Variants in DERA observed in about 807,000 individuals in gnomAD.
DERA encodes 2-deoxy-D-ribose 5-phosphate aldolase.
A neutral mutation model predicts 41.1 loss-of-function variants in DERA; 15 were observed. That is an observed-to-expected ratio of 0.37 (90% confidence interval 0.24 to 0.56). The LOEUF (loss-of-function observed/expected upper bound fraction) is 0.56, where lower values mean the gene tolerates loss of function less well. DERA is among the 20% of genes least tolerant of loss of function. The pLI is 0.81. For missense variants in DERA, 396 were observed against 403.4 expected (o/e 0.98, Z 0.16); for synonymous variants, 139 against 137.4 (o/e 1.01, Z -0.08).
chr12:15,947,529 C>T (rs571425496), intron 1 of DERA, among the ~76,000 whole-genome samples: 3 of 152,238 alleles, frequency 2.0e-5, no homozygotes, highest in African/African-American at 7.2e-5. Context: ...AGGATTGCAA[C>T]CCCTGCCTTT....
Position 15,959,634 on chromosome 12 carries a change from A to C in DERA, c.278-195A>C, listed in dbSNP as rs1345789536. Among the ~76,000 whole-genome samples, 1 of 152,262 alleles carries C rather than the reference A, an allele frequency of 6.6e-6. No individual in the cohort carries two copies. Among genetic ancestry groups the C allele is most frequent in the African/African-American group, 2.4e-5 (1 of 41,474 alleles). ...ACTTGTTTTTATGACTTTAACGATAAGAAAATAATCCATATTGTCAAGAAC... is the reference window on the plus strand; with the variant it reads ...ACTTGTTTTTATGACTTTAACGATACGAAAATAATCCATATTGTCAAGAAC... On this transcript the variant is annotated intron_variant, in intron 3 of 8. Transcript: ENST00000428559. This position sits in a 1 kb window ranked among gnomAD's most constrained non-coding sequence, Gnocchi z 4.5.
Position 15,999,565 on chromosome 12 carries a change from C to G in DERA, c.637+17129C>G, listed in dbSNP as rs565640043. Among the ~76,000 whole-genome samples, 2 of 152,170 alleles carry G rather than the reference C, an allele frequency of 1.3e-5. No homozygotes were observed. The highest frequency in any genetic ancestry group is 3.9e-4 in the East Asian group (2 of 5,180). On this transcript the variant is annotated intron_variant, in intron 6 of 8. Coordinates refer to ENST00000428559, the MANE Select transcript of DERA (RefSeq NM_015954.4). This position sits in a 1 kb window ranked among gnomAD's most constrained non-coding sequence, Gnocchi z 5.3. ...CATTTTGGGCTGAGAGTCACTGGCT[C>G]TCATAGAGAGATGTGAAAGAACATG...
chr12:15,925,160 G>A lies in DERA; in HGVS notation c.31+13746G>A, dbSNP rs78156913. On this transcript the variant is annotated intron_variant, in intron 1 of 8. Coordinates refer to ENST00000428559, the MANE Select transcript of DERA (RefSeq NM_015954.4). ...CCCACCCCCGAGCCCCAACCCCTTTGCTGTTGTCAGGCTGTCTTGGTCTTT... is the reference window on the plus strand; with the variant it reads ...CCCACCCCCGAGCCCCAACCCCTTTACTGTTGTCAGGCTGTCTTGGTCTTT... Among the ~76,000 whole-genome samples the A allele has an allele frequency of 7.2e-3, 1,040 of 143,618 alleles. 14 individuals carry two copies. Among genetic ancestry groups the A allele is most frequent in the African/African-American group, 0.025 (994 of 39,222 alleles). 94.2% of individuals were successfully genotyped at this position (143,618 alleles called of 152,430 possible).
Position 16,036,129 on chromosome 12 carries a change from A to C in DERA, c.751-103A>C. The C allele has an allele frequency of 8.8e-7, 1 of 1,141,668 alleles. No individual in the cohort carries two copies. The highest frequency in any genetic ancestry group is 3.1e-5 in the East Asian group (1 of 32,434). 70.7% of individuals were successfully genotyped at this position (1,141,668 alleles called of 1,614,324 possible). On this transcript the variant is annotated intron_variant, in intron 7 of 8. Coordinates refer to ENST00000428559, the MANE Select transcript of DERA (RefSeq NM_015954.4). The surrounding 1 kb of genome is among the most constrained non-coding windows in gnomAD (Gnocchi z 4.9). The stretch of plus-strand genomic sequence containing the variant: ...TGAAGTGAAAAGATTTTTTTTCAAC[A>C]AAAGAGGGAGAGAGAGAATCAAGAC...
At chr12:15,960,770 G>A (rs970236336) in intron 4 of DERA, among the ~76,000 whole-genome samples, 1 of 151,840 alleles carries the variant, frequency 6.6e-6, no homozygotes, top group Non-Finnish European at 1.5e-5. Flanking sequence ...GGAGATAATT[G>A]CATTGGATCT....
chr12:15,946,579 CT>C (rs879658602), intron 1 of DERA, among the ~76,000 whole-genome samples: 138 of 146,948 alleles, frequency 9.4e-4, no homozygotes, highest in South Asian at 2.6e-3. Flanking sequence ...GTGATATCCC[CT>C]TTTTTTTTTA....
rs539543009 is a variant in DERA at position 15,967,008 on chromosome 12, A to G, written c.508+4061A>G. On this transcript the variant is annotated intron_variant, in intron 5 of 8. Coordinates refer to ENST00000428559, the MANE Select transcript of DERA (RefSeq NM_015954.4). This position sits in a 1 kb window ranked among gnomAD's most constrained non-coding sequence, Gnocchi z 4.9. Reference sequence around the variant, plus strand: ...TCATTTACATATAAGTAGACATTCAAATATCACTGACCCTTGACAAAATCA... The same window carrying G: ...TCATTTACATATAAGTAGACATTCAGATATCACTGACCCTTGACAAAATCA... Among the ~76,000 whole-genome samples, 10 of 152,242 alleles carry G rather than the reference A, an allele frequency of 6.6e-5. No individual in the cohort carries two copies. In the South Asian group the frequency reaches 2.1e-3, roughly 32 times the overall value.
At chr12:15,958,080 A>G in intron 2 of DERA, 108 bp from the exon 3 acceptor site, 2 of 849,250 alleles carry the variant, frequency 2.4e-6, no homozygotes, top group Non-Finnish European at 3.5e-6. Flanking sequence ...GGCATAAGAT[A>G]TTAACACCCA....
In DERA at chr12:15,940,357, TA is replaced by T. The variant is rs1357338793; in HGVS notation, c.32-16578del. Among the ~76,000 whole-genome samples the T allele has an allele frequency of 3.3e-5, 5 of 152,150 alleles. No individual in the cohort carries two copies. Among genetic ancestry groups the T allele is most frequent in the Non-Finnish European group, 7.3e-5 (5 of 68,040 alleles). ...TCCTTTTTTTATTTTATTTTATTATTATTTTTTTATTTGAGATGGAGTCTGG... is the reference window on the plus strand; with the variant it reads ...TCCTTTTTTTATTTTATTTTATTATTTTTTTTTATTTGAGATGGAGTCTGG... On this transcript the variant is annotated intron_variant, in intron 1 of 8. Coordinates refer to ENST00000428559, the MANE Select transcript of DERA (RefSeq NM_015954.4). This position sits in a 1 kb window ranked among gnomAD's most constrained non-coding sequence, Gnocchi z 5.1.
At position 15,995,602 on chromosome 12, in the gene DERA, C is replaced by T. The variant is rs1948831666; in HGVS notation, c.637+13166C>T. Among the ~76,000 whole-genome samples the T allele has an allele frequency of 6.6e-6, 1 of 152,066 alleles. No homozygotes were observed. Reference sequence around the variant, plus strand: ...AAAAGCAGATCTTTCTGTTTTCCACCTGATGGAGGAGTAGGAGAGATGTTA... The same window carrying T: ...AAAAGCAGATCTTTCTGTTTTCCACTTGATGGAGGAGTAGGAGAGATGTTA... On this transcript the variant is annotated intron_variant, in intron 6 of 8. Coordinates refer to ENST00000428559, the MANE Select transcript of DERA (RefSeq NM_015954.4). The surrounding 1 kb of genome is among the most constrained non-coding windows in gnomAD (Gnocchi z 5.1).
At chr12:15,914,769 A>G (rs761521007) in intron 1 of DERA, among the ~76,000 whole-genome samples, 1 of 152,074 alleles carries the variant, frequency 6.6e-6, no homozygotes, top group Non-Finnish European at 1.5e-5. Flanking sequence ...AAAAATAACC[A>G]TGATGGGATT....
In DERA at chr12:15,982,521, T is replaced by C. The variant is rs192557498; in HGVS notation, c.637+85T>C. On this transcript the variant is annotated intron_variant, in intron 6 of 8. Coordinates refer to ENST00000428559, the MANE Select transcript of DERA (RefSeq NM_015954.4). The surrounding 1 kb of genome is among the most constrained non-coding windows in gnomAD (Gnocchi z 4.0). ...AGTAAGTGAAAGCATTTAGCTATTA[T>C]TAAACGTGCTAACCACTTGGAATTT... is the stretch of plus-strand genomic sequence containing the variant. 5.9e-3 allele frequency: 8,405 copies of C among 1,415,116 alleles called. 35 individuals carry two copies. Among genetic ancestry groups the C allele is most frequent in the Middle Eastern group, 0.014 (59 of 4,124 alleles). 87.7% of individuals were successfully genotyped at this position (1,415,116 alleles called of 1,614,324 possible).
chr12:15,923,551 C>T (rs1386254141), intron 1 of DERA, among the ~76,000 whole-genome samples: 1 of 152,170 alleles, frequency 6.6e-6, no homozygotes, highest in Non-Finnish European at 1.5e-5. Context: ...AGCCCTATCT[C>T]TGATGACTAG....
In DERA at chr12:15,922,917, G is replaced by C; in HGVS notation, c.31+11503G>C. Among the ~76,000 whole-genome samples the C allele has an allele frequency of 6.6e-6, 1 of 151,976 alleles. No homozygotes were observed. The highest frequency in any genetic ancestry group is 1.9e-4 in the East Asian group (1 of 5,178). ...GGATGTTGATAATGGGGGAGGCTATGCATGTGTGGGGCAAAGCTTGTGTGG... is the reference window on the plus strand; with the variant it reads ...GGATGTTGATAATGGGGGAGGCTATCCATGTGTGGGGCAAAGCTTGTGTGG... On this transcript the variant is annotated intron_variant, in intron 1 of 8. Transcript: ENST00000428559. This position sits in a 1 kb window ranked among gnomAD's most constrained non-coding sequence, Gnocchi z 4.9.
chr12:16,015,589 T>A (rs1296754027), intron 6 of DERA, among the ~76,000 whole-genome samples: 1 of 152,196 alleles, frequency 6.6e-6, no homozygotes, highest in African/African-American at 2.4e-5. Flanking sequence ...GGGCAGTTCT[T>A]TATAGAGGTA....
chr12:15,914,058 A>C (rs567254836), intron 1 of DERA, among the ~76,000 whole-genome samples: 13 of 152,252 alleles, frequency 8.5e-5, no homozygotes, highest in Admixed American at 5.2e-4. Flanking sequence ...AAGTACCTAG[A>C]ATAGTGTTTG....
rs1388902228 is a variant in DERA at position 16,008,725 on chromosome 12, C to T, written c.638-23817C>T. ...CTCATCATTAGTGTCAGGATTGGGG[C>T]CGCTCTTGGCATTTCTCTCGTGGTT... On this transcript the variant is annotated intron_variant, in intron 6 of 8. Transcript: ENST00000428559. The surrounding 1 kb of genome is among the most constrained non-coding windows in gnomAD (Gnocchi z 4.8). Among the ~76,000 whole-genome samples, 1 of 152,174 alleles carries T rather than the reference C, an allele frequency of 6.6e-6. No individual in the cohort carries two copies. The highest frequency in any genetic ancestry group is 1.9e-4 in the East Asian group (1 of 5,192).
At chr12:16,016,316 G>A (rs531755425) in intron 6 of DERA, among the ~76,000 whole-genome samples, 10 of 152,246 alleles carry the variant, frequency 6.6e-5, no homozygotes, top group African/African-American at 2.4e-4. Context: ...AAAGGGGAGG[G>A]GAAGGGGAGA....
intron 1 of DERA, among the ~76,000 whole-genome samples, chr12:15,920,128 A>G (rs1285005090): frequency 6.6e-6 from 1 of 152,120 alleles, no homozygotes; most frequent in Admixed American, 6.5e-5. Flanking sequence ...GAGACTCCTT[A>G]TCTGTGATGT....
Sources: gnomAD v4.1 joint callset for allele counts (sites outside exome capture counted in the v4.1 genomes callset) on GRCh38, gnomAD v4.1.1 for gene constraint, Gnocchi (gnomAD v3.1) non-coding constraint, MANE v1.5 for transcripts, NCBI Gene and HGNC (gene_info 2026-07-23, HGNC 2026-07-21) for gene names.